The following BABAM2 variants were observed in gnomAD, a reference collection of about 807,000 sequenced individuals.
BABAM2 encodes the protein BRISC and BRCA1-A complex member 2.
A neutral mutation model predicts 54.7 loss-of-function variants in BABAM2; 31 were observed. The observed-to-expected ratio is 0.57, with a 90% CI of 0.43 to 0.77. The LOEUF is 0.77. Among genes scored for constraint, BABAM2 ranks in the 30% least tolerant of loss-of-function variants. The probability of loss-of-function intolerance (pLI) is 0.00; values close to 1 mark genes in which losing one functional copy is unlikely to be tolerated. For synonymous variants in BABAM2, 167 were observed against 162.9 expected (o/e 1.03, Z -0.19); for missense variants, 364 against 455.8 (o/e 0.80, Z 1.83).
rs188964881 is a variant in BABAM2, at chr2:28,332,307, A to C, written c.1089-6143A>C. On this transcript the variant is annotated intron_variant, in intron 11 of 11. Transcript: ENST00000379624. Reference sequence around the variant, plus strand: ...CGTGGATCCCGGAACTTTTTTTAAAAAAGAGAAAAAAGAGGTGCTAGTGTC... The same window carrying C: ...CGTGGATCCCGGAACTTTTTTTAAACAAGAGAAAAAAGAGGTGCTAGTGTC... Among the ~76,000 whole-genome samples, 43 of 152,340 alleles carry C rather than the reference A, an allele frequency of 2.8e-4. 1 individual carries two copies. Among genetic ancestry groups the C allele is most frequent in the African/African-American group, 1.0e-3 (42 of 41,580 alleles).
intron 10 of BABAM2, among the ~76,000 whole-genome samples, chr2:28,265,813 G>A (rs960853453): frequency 8.6e-5 from 13 of 151,970 alleles, no homozygotes; most frequent in Non-Finnish European, 1.3e-4. Flanking sequence ...TAATTTTATT[G>A]TTTGAATCTG....
intron 7 of BABAM2, among the ~76,000 whole-genome samples, chr2:28,179,115 G>A (rs1304685788): frequency 1.3e-5 from 2 of 152,120 alleles, no homozygotes; most frequent in Non-Finnish European, 2.9e-5. Flanking sequence ...TGAAGAGGAA[G>A]CAATTCCCCT....
At chr2:28,085,032 A>G (rs1443827302) in intron 6 of BABAM2, among the ~76,000 whole-genome samples, 1 of 152,224 alleles carries the variant, frequency 6.6e-6, no homozygotes. Context: ...TAACAGTACT[A>G]GAAACAATAA....
At chr2:28,155,460 G>A (rs897804095) in intron 7 of BABAM2, among the ~76,000 whole-genome samples, 4 of 152,184 alleles carry the variant, frequency 2.6e-5, no homozygotes, top group African/African-American at 9.6e-5. Flanking sequence ...GGAGTACACC[G>A]TATTTTAATG....
chr2:28,121,172 A>G (rs1386987584), intron 6 of BABAM2, among the ~76,000 whole-genome samples: 2 of 152,218 alleles, frequency 1.3e-5, no homozygotes, highest in African/African-American at 4.8e-5. Flanking sequence ...ATCCTCCTTC[A>G]TGGAGTAAAG....
intron 3 of BABAM2, among the ~76,000 whole-genome samples, chr2:27,962,802 T>A (rs1004089802): frequency 2.0e-5 from 3 of 152,224 alleles, no homozygotes; most frequent in Admixed American, 2.0e-4. Context: ...TAAAGACCAT[T>A]TGATGTCATC....
rs890604353 is a variant in BABAM2 at position 28,250,591 on chromosome 2, T to TG, written c.934+5729_934+5730insG. On this transcript the variant is annotated intron_variant, in intron 10 of 11. Coordinates refer to ENST00000379624, the MANE Select transcript of BABAM2 (RefSeq NM_199191.3). The stretch of plus-strand genomic sequence containing the variant: ...AATCATATATATTTTTTTCTTTTTT[T>TG]TTTGTTTGTTTGTTTGTTTTGTTTT... Among the ~76,000 whole-genome samples the TG allele has an allele frequency of 5.4e-5, 8 of 148,916 alleles. 1 individual carries two copies. Among genetic ancestry groups the TG allele is most frequent in the African/African-American group, 1.2e-4 (5 of 40,842 alleles).
At chr2:28,037,966 G>T (rs1676788863) in intron 5 of BABAM2, among the ~76,000 whole-genome samples, 1 of 152,114 alleles carries the variant, frequency 6.6e-6, no homozygotes, top group Admixed American at 6.6e-5. Flanking sequence ...TCCTAGAAGG[G>T]GAAGAGAAAG....
At chr2:28,198,583 T>C (rs1677890701) in intron 7 of BABAM2, among the ~76,000 whole-genome samples, 1 of 152,208 alleles carries the variant, frequency 6.6e-6, no homozygotes, top group Non-Finnish European at 1.5e-5. Context: ...TGAGGTACCT[T>C]CCTGCTGTGT....
At chr2:28,192,104 G>A (rs540302139) in intron 7 of BABAM2, among the ~76,000 whole-genome samples, 13 of 152,160 alleles carry the variant, frequency 8.5e-5, no homozygotes, top group East Asian at 3.9e-4. Context: ...GCACGATCTC[G>A]GCTCTCTGCA....
chr2:28,130,651 G>A (rs71443003), intron 7 of BABAM2, among the ~76,000 whole-genome samples: 8,656 of 151,958 alleles, frequency 0.057, 376 homozygotes, highest in Non-Finnish European at 0.087. Flanking sequence ...ACCGGGTCTC[G>A]CTCTATTGCC....
chr2:28,331,844 T>G (rs1015711883), intron 11 of BABAM2, among the ~76,000 whole-genome samples: 1 of 152,158 alleles, frequency 6.6e-6, no homozygotes, highest in Non-Finnish European at 1.5e-5. Context: ...TATAAATCAT[T>G]CTGTTATAAA....
chr2:28,268,066 A>G (rs1213543009), intron 10 of BABAM2, among the ~76,000 whole-genome samples: 2 of 152,242 alleles, frequency 1.3e-5, no homozygotes, highest in Non-Finnish European at 2.9e-5. Flanking sequence ...AAGTTCCAGG[A>G]GACACACGAT....
chr2:28,272,476 C>A (rs905358542), intron 10 of BABAM2, among the ~76,000 whole-genome samples: 1 of 152,142 alleles, frequency 6.6e-6, no homozygotes, highest in East Asian at 1.9e-4. Context: ...AAGAGGAACG[C>A]GAACTGGCTC....
chr2:27,890,246 C>T (rs759925783), upstream of BABAM2: 16 of 1,612,802 alleles, frequency 9.9e-6, no homozygotes, highest in Non-Finnish European at 8.5e-7. The surrounding 1 kb of genome is among the most constrained non-coding windows in gnomAD (Gnocchi z 4.8). Flanking sequence ...AGTAACTGGC[C>T]CCGGACTAAC....
chr2:28,272,445 C>T (rs1210783218), intron 10 of BABAM2, among the ~76,000 whole-genome samples: 4 of 152,146 alleles, frequency 2.6e-5, no homozygotes, highest in Admixed American at 2.6e-4. Context: ...CAGCCTGTTG[C>T]TTAGGCAAAG....
chr2:28,139,321 C>CAAAAAAAA (rs768755922), intron 7 of BABAM2, among the ~76,000 whole-genome samples: 84 of 87,024 alleles, frequency 9.7e-4, no homozygotes, highest in African/African-American at 1.6e-3. Flanking sequence ...AACTCCGTCT[C>CAAAAAAAA]AAAAAAAAAA....
intron 10 of BABAM2, among the ~76,000 whole-genome samples, chr2:28,265,626 A>G (rs1165737039): frequency 6.6e-6 from 1 of 152,058 alleles, no homozygotes; most frequent in Non-Finnish European, 1.5e-5. Context: ...ATTCATACAC[A>G]TGCATGCACA....
chr2:27,893,284 A>G (rs1665012532), intron 1 of BABAM2, among the ~76,000 whole-genome samples: 1 of 152,194 alleles, frequency 6.6e-6, no homozygotes, highest in Admixed American at 6.5e-5. Flanking sequence ...GTTTCCAGAT[A>G]ATTTAGATAT....
Sources: allele counts gnomAD v4.1 joint callset (sites outside exome capture counted in the v4.1 genomes callset), GRCh38; gene constraint gnomAD v4.1.1; non-coding constraint Gnocchi (gnomAD v3.1); transcripts MANE v1.5; gene names NCBI Gene and HGNC (gene_info 2026-07-23, HGNC 2026-07-21).